TRIM71: variants seen among roughly 807,000 people sequenced by gnomAD.
The protein encoded by TRIM71 is E3 ubiquitin-protein ligase TRIM71.
TRIM71 carries 9 observed loss-of-function variants against 61.2 expected under a neutral mutation model. The ratio of observed to expected loss-of-function variants is 0.15; its 90% CI spans 0.09 to 0.26. The LOEUF (loss-of-function observed/expected upper bound fraction) is 0.26. TRIM71 is among the 10% of genes least tolerant of loss of function. The pLI, the probability that TRIM71 is intolerant of heterozygous loss-of-function variation, is 1.00. For synonymous variants in TRIM71, 645 were observed against 553.2 expected, an observed-to-expected ratio of 1.17 and a Z score of -2.33; for missense variants, 998 against 1,238.7, an observed-to-expected ratio of 0.81 and a Z score of 2.92.
rs1388106605 is a variant in TRIM71, at chr3:32,860,137, TCCCTCCCCTCTC to T, written c.853-13667_853-13656del. Among the ~76,000 whole-genome samples, 100 of 119,430 alleles carry T rather than the reference TCCCTCCCCTCTC, an allele frequency of 8.4e-4. 1 individual carries two copies. The East Asian group carries it at 0.018, about 21-fold the overall frequency. 78.4% of individuals were successfully genotyped at this position (119,430 alleles called of 152,430 possible). A position where few individuals can be genotyped will look rare whatever the true frequency, so the allele number is the denominator to read the frequency against. ...CCTCTCCTCTCCTCCCCTCCCCTCTTCCCTCCCCTCTCCCCTCCCCTCTCCTCCCCTTCCCTC... is the reference window on the plus strand; with the variant it reads ...CCTCTCCTCTCCTCCCCTCCCCTCTTCCCTCCCCTCTCCTCCCCTTCCCTC... On this transcript the variant is annotated intron_variant, in intron 1 of 3. Coordinates refer to ENST00000383763, the MANE Select transcript of TRIM71 (RefSeq NM_001039111.3).
At chr3:32,878,827 G>A (rs1053997826) in intron 2 of TRIM71, among the ~76,000 whole-genome samples, 2 of 152,180 alleles carry the variant, frequency 1.3e-5, no homozygotes, top group African/African-American at 4.8e-5. Flanking sequence ...TACCAAGAGA[G>A]TCAGCCCGTC....
intron 1 of TRIM71, among the ~76,000 whole-genome samples, chr3:32,838,863 C>G (rs1311158968): frequency 2.0e-5 from 3 of 151,732 alleles, no homozygotes; most frequent in Non-Finnish European, 4.4e-5. Context: ...TGCAGTGTTG[C>G]GATCTCAGCT....
At chr3:32,851,559 A>G (rs371105674) in intron 1 of TRIM71, among the ~76,000 whole-genome samples, 93 of 152,240 alleles carry the variant, frequency 6.1e-4, no homozygotes, top group African/African-American at 2.2e-3. Context: ...GCTCACTGCT[A>G]CCGTCGCCTC....
intron 1 of TRIM71, among the ~76,000 whole-genome samples, chr3:32,873,025 T>C (rs1231033204): frequency 6.6e-6 from 1 of 151,624 alleles, no homozygotes; most frequent in Non-Finnish European, 1.5e-5. Flanking sequence ...GCTCCTTGTT[T>C]ATTAGCAGGT....
At chr3:32,850,003 T>A (rs1696520518) in intron 1 of TRIM71, among the ~76,000 whole-genome samples, 1 of 152,170 alleles carries the variant, frequency 6.6e-6, no homozygotes, top group South Asian at 2.1e-4. Flanking sequence ...AGCAAGATAG[T>A]CATCTGTTAA....
At chr3:32,829,164 T>C (rs2125675448) in intron 1 of TRIM71, among the ~76,000 whole-genome samples, 1 of 150,786 alleles carries the variant, frequency 6.6e-6, no homozygotes, top group South Asian at 2.1e-4. Context: ...TGGATAATTT[T>C]CTTTTTTTCT....
At position 32,818,633 on chromosome 3, in the gene TRIM71, G is replaced by T. The variant is rs781320370; in HGVS notation, c.553G>T (p.Ala185Ser). The T allele has an allele frequency of 5.5e-4, 801 of 1,461,082 alleles. 4 individuals carry two copies. Among genetic ancestry groups the T allele is most frequent in the Non-Finnish European group, 5.3e-4 (589 of 1,115,804 alleles). 90.5% of individuals were successfully genotyped at this position (1,461,082 alleles called of 1,614,324 possible). ...TTCCCGCTCGGCACCCGGCGGCCCT[G>T]CCGCTTCCCCGTCGGCGCTGCTGCT... ...APSRSAPGGP[A>S]ASPSALLLRR... The change falls in exon 1 of 4, where the codon GCC (alanine) becomes TCC (serine). Residue 185 changes from alanine to serine, a missense_variant. This residue lies in a region of TRIM71 where 527 missense variants were observed against 427.8 expected (regional missense o/e 1.23). Coordinates refer to ENST00000383763, the MANE Select transcript of TRIM71 (RefSeq NM_001039111.3).
At chr3:32,843,194 A>C (rs912766259) in intron 1 of TRIM71, among the ~76,000 whole-genome samples, 1 of 152,096 alleles carries the variant, frequency 6.6e-6, no homozygotes, top group Non-Finnish European at 1.5e-5. Context: ...CTCACCCTCC[A>C]AGGGAGCCCT....
chr3:32,851,466 C>CTTTGTTT (rs1696537491), intron 1 of TRIM71, among the ~76,000 whole-genome samples: 1 of 152,062 alleles, frequency 6.6e-6, no homozygotes, highest in Non-Finnish European at 1.5e-5. Flanking sequence ...AAACTGGAAA[C>CTTTGTTT]TTTGTTTTTT....
chr3:32,895,925 TAAAAGAA>T lies in TRIM71; in HGVS notation c.*4116_*4122del, dbSNP rs1697072971. ...GTGGGTGGGAGTGGGAAGCTACCTC[TAAAAGAA>T]ATGTTACCATAAATCTACAACTGAT... On this transcript the variant is annotated 3_prime_UTR_variant, in exon 4 of 4. Transcript: ENST00000383763. 6.6e-6 allele frequency: 1 copy of T among 152,594 alleles called. No individual in the cohort carries two copies. Among genetic ancestry groups the T allele is most frequent in the Admixed American group, 6.5e-5 (1 of 15,284 alleles). The allele number at this position is 152,594 out of a possible 1,614,324, so 9.5% of individuals were successfully genotyped here. A position where few individuals can be genotyped will look rare whatever the true frequency, so the allele number is the denominator to read the frequency against.
In TRIM71 at chr3:32,896,804, C is replaced by A. The variant is rs896919826; in HGVS notation, c.*4993C>A. ...GGTAGTATTTTTCTTAAGACTCTAT[C>A]TCAGAGCACACTGACTGAATGTTGA... On this transcript the variant is annotated 3_prime_UTR_variant, in exon 4 of 4. Transcript: ENST00000383763. 3.3e-5 allele frequency: 5 copies of A among 152,168 alleles called. No homozygotes were observed. The highest frequency in any genetic ancestry group is 7.3e-5 in the Non-Finnish European group (5 of 68,034). The allele number at this position is 152,168 out of a possible 1,614,324, so 9.4% of individuals were successfully genotyped here. A position where few individuals can be genotyped will look rare whatever the true frequency, so the allele number is the denominator to read the frequency against.
chr3:32,867,782 A>G (rs1696754231), intron 1 of TRIM71, among the ~76,000 whole-genome samples: 2 of 152,194 alleles, frequency 1.3e-5, no homozygotes, highest in South Asian at 4.1e-4. Flanking sequence ...TAATAACTAT[A>G]GTACCGTGTT....
At chr3:32,866,785 T>C (rs527321188) in intron 1 of TRIM71, among the ~76,000 whole-genome samples, 27 of 151,994 alleles carry the variant, frequency 1.8e-4, no homozygotes, top group Non-Finnish European at 3.2e-4. Flanking sequence ...GAATGGGGCA[T>C]TGGGGGAGCA....
intron 1 of TRIM71, among the ~76,000 whole-genome samples, chr3:32,855,511 C>G (rs1388730429): frequency 6.6e-6 from 1 of 151,804 alleles, no homozygotes; most frequent in Non-Finnish European, 1.5e-5. Flanking sequence ...CGTGATATGT[C>G]TCTGACCTGT....
intron 1 of TRIM71, among the ~76,000 whole-genome samples, chr3:32,856,273 T>C (rs1696603412): frequency 6.6e-6 from 1 of 152,170 alleles, no homozygotes; most frequent in East Asian, 1.9e-4. Context: ...TGCCTCGGCC[T>C]CCCAAAGTGC....
chr3:32,851,919 T>C (rs1696542564), intron 1 of TRIM71, among the ~76,000 whole-genome samples: 1 of 152,194 alleles, frequency 6.6e-6, no homozygotes, highest in South Asian at 2.1e-4. Flanking sequence ...AAAGGAAAGC[T>C]GATGTTATCA....
chr3:32,841,757 T>C (rs1397669890), intron 1 of TRIM71, among the ~76,000 whole-genome samples: 1 of 152,228 alleles, frequency 6.6e-6, no homozygotes, highest in Non-Finnish European at 1.5e-5. Context: ...TCAAGAGGTT[T>C]GTGGGACTTC....
In TRIM71 at chr3:32,890,212, T is replaced by G; in HGVS notation, c.1156-148T>G. On this transcript the variant is annotated intron_variant, in intron 3 of 3. Transcript: ENST00000383763. This position sits in a 1 kb window ranked among gnomAD's most constrained non-coding sequence, Gnocchi z 6.2. ...TTTTGGTCCATTTTGATTTTGCTGC[T>G]TTTGAAGAAAGACAGATGTCTTTTG... The G allele has an allele frequency of 8.6e-7, 1 of 1,162,894 alleles. No homozygotes were observed. Among genetic ancestry groups the G allele is most frequent in the Non-Finnish European group, 1.2e-6 (1 of 829,094 alleles). 72.0% of individuals were successfully genotyped at this position (1,162,894 alleles called of 1,614,324 possible).
chr3:32,893,406 G>C lies in TRIM71; in HGVS notation c.*1595G>C, dbSNP rs1404938950. ...ACTTGGGTACAAAACTTGTGCTTCT[G>C]GGCATTGTCTGTCTTTCAAGTGCAA... is the stretch of plus-strand genomic sequence containing the variant. On this transcript the variant is annotated 3_prime_UTR_variant, in exon 4 of 4. Coordinates refer to ENST00000383763, the MANE Select transcript of TRIM71 (RefSeq NM_001039111.3). The C allele has an allele frequency of 6.6e-6, 1 of 152,182 alleles. No homozygotes were observed. The highest frequency in any genetic ancestry group is 2.4e-5 in the African/African-American group (1 of 41,424). The allele number at this position is 152,182 out of a possible 1,614,324, so 9.4% of individuals were successfully genotyped here.
Sources: allele counts gnomAD v4.1 joint callset (sites outside exome capture counted in the v4.1 genomes callset), GRCh38; gene constraint gnomAD v4.1.1; regional missense constraint gnomAD v4.1.1; non-coding constraint Gnocchi (gnomAD v3.1); transcripts MANE v1.5; gene names NCBI Gene and HGNC (gene_info 2026-07-23, HGNC 2026-07-21).